DAB1: variants seen among roughly 807,000 people sequenced by gnomAD.
The protein encoded by DAB1 is disabled homolog 1.
A neutral mutation model predicts 64.6 loss-of-function variants in DAB1; 15 were observed. The observed-to-expected ratio is 0.23, with a 90% CI of 0.16 to 0.36. The LOEUF (loss-of-function observed/expected upper bound fraction) is 0.36, where lower values mean the gene tolerates loss of function less well. Among genes scored for constraint, DAB1 ranks in the 10% least tolerant of loss-of-function variants. The pLI, the probability that DAB1 is intolerant of heterozygous loss-of-function variation, is 1.00. For missense variants in DAB1, 596 were observed against 706.7 expected (o/e 0.84, Z 1.78); for synonymous variants, 235 against 251.9 (o/e 0.93, Z 0.64).
chr1:57,043,100 T>C (rs1316928790), intron 9 of DAB1, among the ~76,000 whole-genome samples: 1 of 152,138 alleles, frequency 6.6e-6, no homozygotes, highest in African/African-American at 2.4e-5. Flanking sequence ...CTCTTCAAGC[T>C]CCTTCCCAGT....
At chr1:58,118,882 A>C (rs1006106014) in intron 5 of DAB1, among the ~76,000 whole-genome samples, 2 of 151,862 alleles carry the variant, frequency 1.3e-5, no homozygotes, top group African/African-American at 2.4e-5. Flanking sequence ...TACAGCCTAC[A>C]CACCAGTGCT....
Position 58,180,281 on chromosome 1 carries a change from C to CTTTTTTTTTTTTTTTTTTTTTTTTT in DAB1, n.310-29718_310-29694dup, listed in dbSNP as rs869204611. 3.1e-3 allele frequency among the ~76,000 whole-genome samples: 189 copies of CTTTTTTTTTTTTTTTTTTTTTTTTT among 61,032 alleles called. 14 individuals are homozygous for CTTTTTTTTTTTTTTTTTTTTTTTTT. The highest frequency in any genetic ancestry group is 3.6e-3 in the African/African-American group (51 of 14,086). 40.0% of individuals were successfully genotyped at this position (61,032 alleles called of 152,430 possible). The stretch of plus-strand genomic sequence containing the variant: ...CTTTCTTTTTTCTTTTTTTTCTTTT[C>CTTTTTTTTTTTTTTTTTTTTTTTTT]TTTTTTTTTTTTTTTTTTTTTTTTT... On this transcript the variant is annotated intron_variant and non_coding_transcript_variant, in intron 4 of 20. Coordinates refer to the DAB1 transcript ENST00000485760.
At chr1:57,594,464 C>A (rs1046701075) in intron 7 of DAB1, among the ~76,000 whole-genome samples, 2 of 151,668 alleles carry the variant, frequency 1.3e-5, no homozygotes, top group Non-Finnish European at 2.9e-5. Flanking sequence ...AGTAGGGTGA[C>A]TGTCCAGGGT....
intron 3 of DAB1, among the ~76,000 whole-genome samples, chr1:58,389,159 G>T (rs1324697166): frequency 1.3e-5 from 2 of 152,222 alleles, no homozygotes; most frequent in Non-Finnish European, 2.9e-5. Context: ...AGTAGGAACT[G>T]CCCCATAGTG....
Position 57,768,365 on chromosome 1 carries a change from A to G in DAB1, n.551+115634T>C, listed in dbSNP as rs57675868. Among the ~76,000 whole-genome samples, 1,252 of 151,784 alleles carry G rather than the reference A, an allele frequency of 8.2e-3. 11 individuals carry two copies. Among genetic ancestry groups the G allele is most frequent in the African/African-American group, 0.024 (1,013 of 41,442 alleles). On this transcript the variant is annotated intron_variant and non_coding_transcript_variant, in intron 6 of 20. Coordinates refer to the DAB1 transcript ENST00000485760. ...TTGTTGTAAAGATCAAAGGAGACATACCATATTTAAGATATTCAGAAAAAG... is the reference window on the plus strand; with the variant it reads ...TTGTTGTAAAGATCAAAGGAGACATGCCATATTTAAGATATTCAGAAAAAG...
chr1:57,656,042 G>C (rs1229542006), intron 6 of DAB1, among the ~76,000 whole-genome samples: 1 of 152,164 alleles, frequency 6.6e-6, no homozygotes, highest in Admixed American at 6.5e-5. Flanking sequence ...TAGGTCATGA[G>C]GGTGGAGCCT....
chr1:57,155,464 C>T (rs768776177), intron 2 of DAB1, among the ~76,000 whole-genome samples: 5 of 151,466 alleles, frequency 3.3e-5, no homozygotes, highest in Non-Finnish European at 2.9e-5. Flanking sequence ...TAATGTGATT[C>T]TTCCAGTTTT....
chr1:57,426,174 C>T (rs1005571845), upstream of DAB1, among the ~76,000 whole-genome samples: 3 of 152,188 alleles, frequency 2.0e-5, no homozygotes, highest in Non-Finnish European at 4.4e-5. Context: ...GCCGCCTTCA[C>T]CCACCTTTCA....
intron 4 of DAB1, among the ~76,000 whole-genome samples, chr1:57,095,598 T>C (rs1654086974): frequency 6.6e-6 from 1 of 152,206 alleles, no homozygotes. Context: ...TCCACCCTGA[T>C]GGCTGGCACA....
chr1:57,310,751 C>A (rs1674631871), intron 1 of DAB1, among the ~76,000 whole-genome samples: 1 of 152,200 alleles, frequency 6.6e-6, no homozygotes, highest in Admixed American at 6.5e-5. Context: ...CATTTCTCTG[C>A]AGAACAACCA....
intron 3 of DAB1, among the ~76,000 whole-genome samples, chr1:58,462,288 G>A (rs1447628450): frequency 1.3e-5 from 2 of 151,856 alleles, no homozygotes; most frequent in Non-Finnish European, 2.9e-5. Flanking sequence ...CACCGCGCCC[G>A]GCTAATTTTT....
chr1:57,114,181 C>T (rs901488700), intron 4 of DAB1, among the ~76,000 whole-genome samples: 1 of 152,106 alleles, frequency 6.6e-6, no homozygotes, highest in Non-Finnish European at 1.5e-5. Flanking sequence ...GATGCACCAA[C>T]GTTATAGGTA....
intron 3 of DAB1, among the ~76,000 whole-genome samples, chr1:58,456,132 C>T (rs1269736796): frequency 2.0e-5 from 3 of 152,254 alleles, no homozygotes; most frequent in Non-Finnish European, 4.4e-5. Context: ...TGGAATCTCT[C>T]AATTTTCTTT....
chr1:57,724,468 G>A (rs1647185509), intron 6 of DAB1, among the ~76,000 whole-genome samples: 2 of 152,154 alleles, frequency 1.3e-5, no homozygotes, highest in African/African-American at 4.8e-5. Context: ...TTGTCTTACC[G>A]ATTCCTTTGC....
intron 7 of DAB1, among the ~76,000 whole-genome samples, chr1:57,594,113 T>C (rs1023777358): frequency 1.1e-4 from 16 of 152,202 alleles, no homozygotes. Flanking sequence ...ATTACTGTCC[T>C]ACTCCTCTGA....
At chr1:57,756,813 T>A (rs949728468) in intron 6 of DAB1, among the ~76,000 whole-genome samples, 1 of 151,850 alleles carries the variant, frequency 6.6e-6, no homozygotes, top group Non-Finnish European at 1.5e-5. Context: ...ACAAGTTCAA[T>A]AGGGTCCAAA....
chr1:57,975,458 C>T (rs1306164440), intron 5 of DAB1, among the ~76,000 whole-genome samples: 2 of 152,166 alleles, frequency 1.3e-5, no homozygotes, highest in Non-Finnish European at 2.9e-5. Flanking sequence ...GCAGGCAAAA[C>T]ATGACTTGTG....
intron 3 of DAB1, among the ~76,000 whole-genome samples, chr1:58,397,403 G>A (rs1644532534): frequency 6.6e-6 from 1 of 152,206 alleles, no homozygotes. Flanking sequence ...ACAGGCTTTG[G>A]ACGCAGGAGA....
At chr1:58,068,525 G>A (rs538468180) in intron 5 of DAB1, among the ~76,000 whole-genome samples, 4 of 152,200 alleles carry the variant, frequency 2.6e-5, no homozygotes, top group South Asian at 2.1e-4. Flanking sequence ...CAGCACTTTG[G>A]GGGGCAGAGG....
Sources: allele counts gnomAD v4.1 joint callset (sites outside exome capture counted in the v4.1 genomes callset), GRCh38; gene constraint gnomAD v4.1.1; transcripts MANE v1.5; gene names NCBI Gene and HGNC (gene_info 2026-07-23, HGNC 2026-07-21).